The following VIRMA variants were observed in gnomAD, a reference collection of about 807,000 sequenced individuals.
VIRMA encodes vir like m6A methyltransferase associated.
A neutral mutation model predicts 182.4 loss-of-function variants in VIRMA; 65 were observed. The observed-to-expected ratio is 0.36, with a 90% CI of 0.29 to 0.44. The LOEUF (loss-of-function observed/expected upper bound fraction) is 0.44, where lower values mean the gene tolerates loss of function less well. VIRMA is among the 20% of genes least tolerant of loss of function. The probability of loss-of-function intolerance (pLI) is 1.00; values close to 1 mark genes in which losing one functional copy is unlikely to be tolerated. For synonymous variants in VIRMA, 709 were observed against 743.1 expected, an observed-to-expected ratio of 0.95 and a Z score of 0.75; for missense variants, 1,752 against 2,158.1, an observed-to-expected ratio of 0.81 and a Z score of 3.73.
chr8:94,528,418 A>G (rs1815048201), intron 7 of VIRMA, among the ~76,000 whole-genome samples: 1 of 152,158 alleles, frequency 6.6e-6, no homozygotes, highest in African/African-American at 2.4e-5. Context: ...TTCTGAAATG[A>G]CATTCATTTT....
At chr8:94,525,344 T>C (rs1437976276) in intron 8 of VIRMA, among the ~76,000 whole-genome samples, 1 of 152,216 alleles carries the variant, frequency 6.6e-6, no homozygotes, top group Non-Finnish European at 1.5e-5. Flanking sequence ...TAATAACACT[T>C]CCTTTACTGG....
chr8:94,509,919 T>A lies in VIRMA; in HGVS notation c.3648A>T (p.Lys1216Asn), dbSNP rs1215808131. ...DLQSTSEDKEKQYTSQTTRLL... is the reference protein window; with the variant it reads ...DLQSTSEDKENQYTSQTTRLL... Reference sequence around the variant, plus strand: ...ACCTGGTGGTTTGGCTAGTATACTGTTTTTCTTTATCTTCTGAAGTGCTGA... The same window carrying A: ...ACCTGGTGGTTTGGCTAGTATACTGATTTTCTTTATCTTCTGAAGTGCTGA... Residue 1216 changes from lysine (K) to asparagine (N), a missense_variant, in exon 15 of 24, where the codon AAA becomes AAT. Lys to Asn is a moderately conservative substitution (Grantham distance 94, BLOSUM62 0). Around this residue, in one of 11 missense-constraint regions of VIRMA, gnomAD observed 777 missense variants for 920.6 expected, o/e 0.84. Transcript: ENST00000297591. 6.2e-7 allele frequency: 1 copy of A among 1,609,358 alleles called. No homozygotes were observed. The highest frequency in any genetic ancestry group is 8.5e-7 in the Non-Finnish European group (1 of 1,178,602).
chr8:94,521,965 T>C (rs993451748), intron 8 of VIRMA, among the ~76,000 whole-genome samples: 1 of 152,192 alleles, frequency 6.6e-6, no homozygotes, highest in Admixed American at 6.5e-5. Flanking sequence ...TTCTGGGAAC[T>C]TAGATTTCAA....
At chr8:94,510,016 A>T in intron 14 of VIRMA, 76 bp from the exon 15 acceptor site, 1 of 1,289,870 alleles carries the variant, frequency 7.8e-7, no homozygotes, top group Non-Finnish European at 1.1e-6. Flanking sequence ...TTATTTCTCA[A>T]TACACATCAA....
rs967448915 is a variant in VIRMA, at chr8:94,494,050, A to G, written c.4641+810T>C. Among the ~76,000 whole-genome samples, 15 of 152,212 alleles carry G rather than the reference A, an allele frequency of 9.9e-5. No individual in the cohort carries two copies. The East Asian group carries it at 2.5e-3, about 25-fold the overall frequency. On this transcript the variant is annotated intron_variant, in intron 20 of 23. Coordinates refer to ENST00000297591, the MANE Select transcript of VIRMA (RefSeq NM_015496.5). ...ATTCCTCTCCTTGAACCCAAATGCA[A>G]GAATAAACTGTTGTTTTATGGGATA...
At position 94,527,065 on chromosome 8, in the gene VIRMA, TC is replaced by T; in HGVS notation, c.1178del (p.Arg393LysfsTer9). 2 of 1,614,210 alleles carry T rather than the reference TC, an allele frequency of 1.2e-6. No homozygotes were observed. The highest frequency in any genetic ancestry group is 1.7e-6 in the Non-Finnish European group (2 of 1,180,010). The part of the protein sequence containing the change: ...VKLTELLDLY[R>X]EDRGAKWVTA... ...TTACCCATTTTGCACCTCTATCTTC[TC>T]TATACAAATCTAAGAGTTCTGTTAA... On this transcript the variant is annotated frameshift_variant, in exon 8 of 24. Transcript: ENST00000297591. LOFTEE classifies it high-confidence loss of function.
Position 94,538,418 on chromosome 8 carries a change from T to G in VIRMA, c.180-72A>C, listed in dbSNP as rs1190873493. 5 of 928,838 alleles carry G rather than the reference T, an allele frequency of 5.4e-6. 1 individual carries two copies. In the South Asian group the frequency reaches 6.9e-5, roughly 13 times the overall value. The allele number at this position is 928,838 out of a possible 1,614,324, so 57.5% of individuals were successfully genotyped here. A position where few individuals can be genotyped will look rare whatever the true frequency, so the allele number is the denominator to read the frequency against. ...TCCTAAATTAAAACAAATAACATAG[T>G]AAGTACAAAGTTAAGAGCAATTCTA... On this transcript the variant is annotated intron_variant, in intron 2 of 23. Transcript: ENST00000297591.
intron 8 of VIRMA, among the ~76,000 whole-genome samples, chr8:94,525,753 T>C (rs757984068): frequency 1.4e-4 from 21 of 152,094 alleles, no homozygotes; most frequent in Admixed American, 6.5e-5. Context: ...ATGAGAGAGG[T>C]AGATGGCAGA....
chr8:94,488,975 T>A, intron 23 of VIRMA, 115 bp from the exon 24 acceptor site: 1 of 1,195,962 alleles, frequency 8.4e-7, no homozygotes, highest in South Asian at 1.8e-5. Context: ...CTTTTAAAGC[T>A]CACGTGCAAG....
intron 16 of VIRMA, among the ~76,000 whole-genome samples, chr8:94,501,372 A>G (rs372743976): frequency 7.3e-5 from 11 of 150,942 alleles, no homozygotes; most frequent in African/African-American, 2.7e-4. Context: ...AAACTGAAGG[A>G]GACAGGGAAG....
intron 18 of VIRMA, 38 bp from the exon 19 acceptor site, chr8:94,495,929 A>G: frequency 1.3e-6 from 2 of 1,584,454 alleles, no homozygotes; most frequent in Non-Finnish European, 1.7e-6. Context: ...AGGTGCAGGT[A>G]AAACTTATGT....
chr8:94,535,445 T>G (rs1276020312), intron 4 of VIRMA, among the ~76,000 whole-genome samples: 1 of 152,140 alleles, frequency 6.6e-6, no homozygotes, highest in African/African-American at 2.4e-5. Context: ...AGAAGCCAAA[T>G]TCATACATGC....
In VIRMA at chr8:94,530,824, A is replaced by C. The variant is rs897470049; in HGVS notation, c.607+139T>G. 3 of 760,212 alleles carry C rather than the reference A, an allele frequency of 3.9e-6. No homozygotes were observed. In the South Asian group the frequency reaches 7.3e-5, roughly 19 times the overall value. The allele number at this position is 760,212 out of a possible 1,614,324, so 47.1% of individuals were successfully genotyped here. A position where few individuals can be genotyped will look rare whatever the true frequency, so the allele number is the denominator to read the frequency against. Reference sequence around the variant, plus strand: ...CTACTTAGGAGGCTGAGGTGAGAGGATCACTTAAGCCCAGGTGGTCAAGAC... The same window carrying C: ...CTACTTAGGAGGCTGAGGTGAGAGGCTCACTTAAGCCCAGGTGGTCAAGAC... On this transcript the variant is annotated intron_variant, in intron 6 of 23. Coordinates refer to ENST00000297591, the MANE Select transcript of VIRMA (RefSeq NM_015496.5).
At chr8:94,535,393 T>C (rs1453453045) in intron 4 of VIRMA, among the ~76,000 whole-genome samples, 1 of 152,188 alleles carries the variant, frequency 6.6e-6, no homozygotes, top group Non-Finnish European at 1.5e-5. Context: ...ATGCTCAGTC[T>C]CAAGAATGAT....
At chr8:94,507,845 C>G (rs1814213180) in intron 15 of VIRMA, among the ~76,000 whole-genome samples, 1 of 147,474 alleles carries the variant, frequency 6.8e-6, no homozygotes, top group Non-Finnish European at 1.5e-5. Flanking sequence ...TAAACACAGT[C>G]TTTCAATCAA....
chr8:94,494,732 T>C lies in VIRMA; in HGVS notation c.4641+128A>G, dbSNP rs937751402. ...ATGAAGTGGGCAAGTGGCATAAAAA[T>C]AATGTAGGACTTGCTTCCAAGTAGA... On this transcript the variant is annotated intron_variant, in intron 20 of 23. Coordinates refer to ENST00000297591, the MANE Select transcript of VIRMA (RefSeq NM_015496.5). 8.2e-5 allele frequency: 46 copies of C among 562,036 alleles called. No homozygotes were observed. In the Admixed American group the frequency reaches 1.2e-3, roughly 14 times the overall value. 34.8% of individuals were successfully genotyped at this position (562,036 alleles called of 1,614,324 possible).
Position 94,509,781 on chromosome 8 carries a change from A to T in VIRMA, c.3786T>A (p.Asp1262Glu), listed in dbSNP as rs577710226. The stretch of plus-strand genomic sequence containing the variant: ...CAGGAGACCGCACCAAAGCTAAAAG[A>T]TCCTGGAATATCTCTGCATATCTTT... ...GDERYAEIFQ[D>E]LLALVRSPGD... The change falls in exon 15 of 24, where the codon GAT becomes GAA. Residue 1262 changes from aspartate to glutamate, a missense_variant. Asp to Glu is a conservative substitution (Grantham distance 45). This residue lies in a region of VIRMA where 777 missense variants were observed against 920.6 expected (regional missense o/e 0.84). Transcript: ENST00000297591. 3 of 1,614,026 alleles carry T rather than the reference A, an allele frequency of 1.9e-6. No individual in the cohort carries two copies. In the South Asian group the frequency reaches 3.3e-5, roughly 18 times the overall value.
Position 94,511,648 on chromosome 8 carries a change from A to T in VIRMA, c.2927T>A (p.Leu976Gln). The change falls in exon 13 of 24, where the codon CTG becomes CAG. Residue 976 changes from leucine (L) to glutamine (Q), a missense_variant. Leu to Gln is a moderately radical substitution (Grantham distance 113, BLOSUM62 -2). Transcript: ENST00000297591. The stretch of plus-strand genomic sequence containing the variant: ...AGTCAGAATACTGTTCAATTTTTGC[A>T]GAACTCGAATAAACGTGTCCATTCC... ...AEGMDTFIRV[L>Q]QKLNSILTQP... 6.2e-7 allele frequency: 1 copy of T among 1,614,152 alleles called. No homozygotes were observed. Among genetic ancestry groups the T allele is most frequent in the Non-Finnish European group, 8.5e-7 (1 of 1,179,982 alleles).
intron 1 of VIRMA, among the ~76,000 whole-genome samples, chr8:94,550,002 T>C (rs1036429289): frequency 1.1e-4 from 17 of 151,378 alleles, no homozygotes; most frequent in Non-Finnish European, 2.1e-4. Flanking sequence ...GAGGCTGAGA[T>C]GGAAGGATCG....
Sources: allele counts gnomAD v4.1 joint callset (sites outside exome capture counted in the v4.1 genomes callset), GRCh38; gene constraint gnomAD v4.1.1; regional missense constraint gnomAD v4.1.1; transcripts MANE v1.5; gene names NCBI Gene and HGNC (gene_info 2026-07-23, HGNC 2026-07-21).